The following SOX5 variants were observed in gnomAD, a reference collection of about 807,000 sequenced individuals.
The protein encoded by SOX5 is SRY-box transcription factor 5.
A neutral mutation model predicts 92.0 loss-of-function variants in SOX5; 9 were observed. The observed-to-expected ratio is 0.10, with a 90% CI of 0.06 to 0.17. SOX5 has a LOEUF of 0.17. SOX5 is among the 10% of genes least tolerant of loss of function. The pLI is 1.00. For missense variants in SOX5, 642 were observed against 944.5 expected (o/e 0.68, Z 4.20); for synonymous variants, 344 against 336.3 (o/e 1.02, Z -0.25).
chr12:23,820,782 A>G (rs1056291954), intron 3 of SOX5, among the ~76,000 whole-genome samples: 5 of 152,046 alleles, frequency 3.3e-5, no homozygotes, highest in Non-Finnish European at 7.4e-5. Flanking sequence ...ATTGGTCTAT[A>G]TCTCTGTTTT....
At chr12:24,243,045 T>A (rs562017869) in intron 3 of SOX5, among the ~76,000 whole-genome samples, 2 of 152,176 alleles carry the variant, frequency 1.3e-5, no homozygotes, top group Non-Finnish European at 2.9e-5. Flanking sequence ...TTAAACAAAC[T>A]GTTAAAGTGT....
At chr12:23,610,952 C>T (rs1319884353) in intron 8 of SOX5, among the ~76,000 whole-genome samples, 1 of 152,052 alleles carries the variant, frequency 6.6e-6, no homozygotes, top group East Asian at 1.9e-4. Context: ...AGACAGATGA[C>T]AAATGCCTTC....
chr12:24,523,442 G>GA (rs1475076899), intron 1 of SOX5, among the ~76,000 whole-genome samples: 2 of 152,006 alleles, frequency 1.3e-5, no homozygotes, highest in Non-Finnish European at 2.9e-5. Context: ...TCAATTGTGA[G>GA]AAAAAAAGAA....
At chr12:23,734,628 AGAAACAGAATAT>A in intron 6 of SOX5, 44 bp downstream of exon 6, 1 of 1,321,504 alleles carries the variant, frequency 7.6e-7, no homozygotes, top group Non-Finnish European at 1.1e-6. Context: ...TTTAAGGATA[AGAAACAGAATAT>A]ATATTTTTTA....
intron 10 of SOX5, among the ~76,000 whole-genome samples, chr12:23,571,190 T>C (rs1013853772): frequency 6.0e-5 from 9 of 151,174 alleles, no homozygotes; most frequent in South Asian, 2.1e-4. Flanking sequence ...AAAATAAAAA[T>C]GTAAACTAAC....
intron 4 of SOX5, among the ~76,000 whole-genome samples, chr12:23,958,227 C>A (rs1417791007): frequency 1.3e-5 from 2 of 152,122 alleles, no homozygotes; most frequent in East Asian, 3.9e-4. Flanking sequence ...TCTTAGTAAA[C>A]AAATCAACTT....
chr12:23,579,861 A>T (rs1949794862), intron 9 of SOX5, among the ~76,000 whole-genome samples: 1 of 152,104 alleles, frequency 6.6e-6, no homozygotes, highest in Non-Finnish European at 1.5e-5. Context: ...TCTATCAACT[A>T]CACCATCAAG....
intron 4 of SOX5, among the ~76,000 whole-genome samples, chr12:24,006,756 G>GT (rs1446515124): frequency 1.3e-5 from 2 of 149,810 alleles, no homozygotes; most frequent in East Asian, 3.9e-4. Flanking sequence ...TATAATGGCT[G>GT]TTTTAAAAAA....
chr12:23,576,173 A>G (rs1188967809), intron 9 of SOX5, among the ~76,000 whole-genome samples: 1 of 149,956 alleles, frequency 6.7e-6, no homozygotes, highest in Non-Finnish European at 1.5e-5. Flanking sequence ...TTAAATCTGA[A>G]ATATGATGTA....
At chr12:23,989,579 A>G (rs749707500) in intron 4 of SOX5, among the ~76,000 whole-genome samples, 9 of 152,156 alleles carry the variant, frequency 5.9e-5, no homozygotes, top group Non-Finnish European at 1.3e-4. Flanking sequence ...AAACCCTCCA[A>G]TGTGACATTA....
intron 9 of SOX5, among the ~76,000 whole-genome samples, chr12:23,576,402 C>A (rs1272827284): frequency 6.6e-6 from 1 of 152,052 alleles, no homozygotes; most frequent in Non-Finnish European, 1.5e-5. Context: ...ACAGAAACAC[C>A]TTTGAATTTG....
intron 8 of SOX5, among the ~76,000 whole-genome samples, chr12:23,622,090 G>A (rs572093530): frequency 2.6e-5 from 4 of 152,150 alleles, no homozygotes; most frequent in African/African-American, 7.2e-5. Context: ...GAAATTTACA[G>A]TGAATTTATT....
At chr12:24,269,849 T>C (rs1294427728) in intron 3 of SOX5, among the ~76,000 whole-genome samples, 7 of 130,690 alleles carry the variant, frequency 5.4e-5, no homozygotes, top group Admixed American at 2.3e-4. Flanking sequence ...ATTTTTTTTT[T>C]TTTTTTTTTT....
intron 4 of SOX5, among the ~76,000 whole-genome samples, chr12:24,205,367 C>T (rs966829326): frequency 9.2e-5 from 14 of 152,264 alleles, no homozygotes; most frequent in African/African-American, 3.4e-4. Flanking sequence ...CTGTGCCAGA[C>T]ACCACCCCAA....
chr12:23,653,208 C>A (rs567828961), intron 7 of SOX5, among the ~76,000 whole-genome samples: 1 of 152,136 alleles, frequency 6.6e-6, no homozygotes, highest in South Asian at 2.1e-4. Context: ...CTTGTCACTT[C>A]CTACCATATA....
chr12:24,120,315 A>G (rs1948481848), intron 4 of SOX5, among the ~76,000 whole-genome samples: 1 of 152,180 alleles, frequency 6.6e-6, no homozygotes, highest in Non-Finnish European at 1.5e-5. Flanking sequence ...CAGTTTCTCC[A>G]TATCCTCACT....
chr12:23,616,544 A>G (rs2076580400), intron 8 of SOX5, among the ~76,000 whole-genome samples: 1 of 152,220 alleles, frequency 6.6e-6, no homozygotes, highest in Non-Finnish European at 1.5e-5. Flanking sequence ...AACTTCACAT[A>G]CACATAATCT....
intron 4 of SOX5, among the ~76,000 whole-genome samples, chr12:24,049,104 A>T (rs1352606777): frequency 6.6e-6 from 1 of 152,248 alleles, no homozygotes; most frequent in African/African-American, 2.4e-5. Flanking sequence ...TGAGGAACAA[A>T]TAGGTAGCAC....
chr12:24,427,143 T>G (rs1966844162), intron 1 of SOX5, among the ~76,000 whole-genome samples: 1 of 152,238 alleles, frequency 6.6e-6, no homozygotes, highest in Non-Finnish European at 1.5e-5. Context: ...TTTATAAATA[T>G]TCAACCATTA....
Sources: gnomAD v4.1 joint callset for allele counts (sites outside exome capture counted in the v4.1 genomes callset) on GRCh38, gnomAD v4.1.1 for gene constraint, MANE v1.5 for transcripts, NCBI Gene and HGNC (gene_info 2026-07-23, HGNC 2026-07-21) for gene names.